CNTNAP3B: variants seen among roughly 807,000 people sequenced by gnomAD.
The protein encoded by CNTNAP3B is contactin associated protein family member 3B, also known as contactin-associated protein-like 3B.
A neutral mutation model predicts 108.9 loss-of-function variants in CNTNAP3B; 25 were observed. That is an observed-to-expected ratio of 0.23 (90% CI 0.17 to 0.32). The LOEUF (loss-of-function observed/expected upper bound fraction) is 0.32, where lower values mean the gene tolerates loss of function less well. Ranked by LOEUF, CNTNAP3B falls within the 10% of genes least tolerant of loss-of-function variation. CNTNAP3B has a pLI of 1.00. For missense variants in CNTNAP3B, 252 were observed against 1,210.4 expected (o/e 0.21, Z 11.75); for synonymous variants, 103 against 473.4 (o/e 0.22, Z 10.16).
Position 42,121,634 on chromosome 9 carries a change from A to G in CNTNAP3B, c.85+7376T>C, listed in dbSNP as rs566898895. On this transcript the variant is annotated intron_variant, in intron 1 of 23. Coordinates refer to ENST00000377561, the MANE Select transcript of CNTNAP3B (RefSeq NM_001201380.3). ...AATGAGGACAGTAGAATCAACTGTG[A>G]CATCCAAAAAAGGAAAGCTGCCCAA... Among the ~76,000 whole-genome samples, 15 of 140,368 alleles carry G rather than the reference A, an allele frequency of 1.1e-4. 1 individual carries two copies. Among genetic ancestry groups the G allele is most frequent in the African/African-American group, 1.7e-4 (6 of 35,646 alleles). 92.1% of individuals were successfully genotyped at this position (140,368 alleles called of 152,430 possible).
chr9:41,918,721 G>A (rs530936907), intron 18 of CNTNAP3B, among the ~76,000 whole-genome samples: 2 of 144,770 alleles, frequency 1.4e-5, no homozygotes, highest in African/African-American at 5.3e-5. Context: ...ATTGCACTTA[G>A]CAAATGTGGA....
intron 14 of CNTNAP3B, among the ~76,000 whole-genome samples, chr9:41,930,016 T>C (rs71512041): frequency 0.012 from 1,806 of 149,240 alleles, 14 homozygotes; most frequent in African/African-American, 0.044. Context: ...GTGATTATTC[T>C]TTACAAATAA....
intron 10 of CNTNAP3B, among the ~76,000 whole-genome samples, chr9:41,966,144 C>T (rs1430270718): frequency 2.6e-5 from 4 of 152,422 alleles, no homozygotes; most frequent in Admixed American, 2.6e-4. Context: ...CACCCTCATA[C>T]CATTTTTAAA....
At chr9:41,941,303 A>G (rs1203326902) in intron 13 of CNTNAP3B, among the ~76,000 whole-genome samples, 2 of 147,122 alleles carry the variant, frequency 1.4e-5, no homozygotes, top group South Asian at 2.2e-4. Flanking sequence ...CGAGAAATTT[A>G]TAAGAAACTC....
rs374979410 is a variant in CNTNAP3B, at chr9:42,032,870, G to GCT, written c.391-19347_391-19346dup. ...TCTCACTGTGTCCTCACATGGCAGTGCTCTCTCTCTCTCTCTCCCCCTCTC... is the reference window on the plus strand; with the variant it reads ...TCTCACTGTGTCCTCACATGGCAGTGCTCTCTCTCTCTCTCTCTCCCCCTCTC... On this transcript the variant is annotated intron_variant, in intron 3 of 23. Transcript: ENST00000377561. 6.7e-3 allele frequency among the ~76,000 whole-genome samples: 858 copies of GCT among 127,402 alleles called. 1 individual carries two copies. Among genetic ancestry groups the GCT allele is most frequent in the Non-Finnish European group, 9.2e-3 (552 of 59,820 alleles). 83.6% of individuals were successfully genotyped at this position (127,402 alleles called of 152,430 possible).
intron 3 of CNTNAP3B, among the ~76,000 whole-genome samples, chr9:42,061,559 AC>A (rs1217053157): frequency 8.2e-6 from 1 of 122,020 alleles, no homozygotes; most frequent in Non-Finnish European, 1.7e-5. Context: ...TGATCTGCCC[AC>A]CTTGGCCTCC....
intron 1 of CNTNAP3B, among the ~76,000 whole-genome samples, chr9:42,125,436 C>A (rs1378642891): frequency 7.0e-6 from 1 of 141,892 alleles, no homozygotes; most frequent in Non-Finnish European, 1.5e-5. Flanking sequence ...TGGGCCTCCC[C>A]ACTACCCAGC....
At chr9:42,076,231 A>G (rs1294663176) in intron 3 of CNTNAP3B, among the ~76,000 whole-genome samples, 1 of 74,658 alleles carries the variant, frequency 1.3e-5, no homozygotes, top group Non-Finnish European at 2.5e-5. Context: ...CCTGGCCAAA[A>G]TGGCGAAACC....
At chr9:41,969,943 T>G in intron 10 of CNTNAP3B, 131 bp downstream of exon 10, 2 of 1,356,398 alleles carry the variant, frequency 1.5e-6, no homozygotes, top group Non-Finnish European at 1.9e-6. Flanking sequence ...ATAGTAATTA[T>G]GACTATTTCA....
At position 41,925,215 on chromosome 9, in the gene CNTNAP3B, A is replaced by T. The variant is rs1394858299; in HGVS notation, c.2366-1122T>A. The stretch of plus-strand genomic sequence containing the variant: ...CAATATATTGATGGCTCCTGATTGA[A>T]TTTTTATTCTGATGGCTGCCAATAG... On this transcript the variant is annotated intron_variant, in intron 15 of 23. Coordinates refer to ENST00000377561, the MANE Select transcript of CNTNAP3B (RefSeq NM_001201380.3). 2.0e-5 allele frequency among the ~76,000 whole-genome samples: 3 copies of T among 148,098 alleles called. No individual in the cohort carries two copies. In the East Asian group the frequency reaches 5.8e-4, roughly 29 times the overall value.
rs1247432405 is a variant in CNTNAP3B at position 42,096,308 on chromosome 9, A to G, written c.196+8321T>C. On this transcript the variant is annotated intron_variant, in intron 2 of 23. Transcript: ENST00000377561. The stretch of plus-strand genomic sequence containing the variant: ...GCTTCAGGGCAGTCCCCACCTCTCT[A>G]TGCATACTATCGTGCAGTCCTGCTG... Among the ~76,000 whole-genome samples, 12 of 139,594 alleles carry G rather than the reference A, an allele frequency of 8.6e-5. 2 individuals carry two copies. Among genetic ancestry groups the G allele is most frequent in the African/African-American group, 2.3e-4 (8 of 35,202 alleles). 91.6% of individuals were successfully genotyped at this position (139,594 alleles called of 152,430 possible).
chr9:41,930,597 C>A (rs1340911855), intron 14 of CNTNAP3B, among the ~76,000 whole-genome samples: 3 of 152,172 alleles, frequency 2.0e-5, no homozygotes, highest in African/African-American at 7.2e-5. Context: ...CACCTTTTGT[C>A]GAACAGACAT....
chr9:41,917,218 CATT>C (rs1201200919), intron 18 of CNTNAP3B, among the ~76,000 whole-genome samples: 3 of 151,190 alleles, frequency 2.0e-5, no homozygotes, highest in Non-Finnish European at 4.4e-5. Context: ...TTATTTTTTT[CATT>C]ATTATTTCTC....
intron 15 of CNTNAP3B, among the ~76,000 whole-genome samples, chr9:41,924,661 AC>A (rs1823761769): frequency 6.8e-6 from 1 of 147,838 alleles, no homozygotes; most frequent in Admixed American, 6.7e-5. Flanking sequence ...ACACACACAC[AC>A]ACACACACAC....
chr9:42,090,813 A>G, intron 2 of CNTNAP3B, among the ~76,000 whole-genome samples: 1 of 72,632 alleles, frequency 1.4e-5, no homozygotes, highest in African/African-American at 5.0e-5. Flanking sequence ...CACTGACCGT[A>G]TATATGTATA....
intron 3 of CNTNAP3B, among the ~76,000 whole-genome samples, chr9:42,070,309 G>C (rs1358024368): frequency 1.3e-5 from 2 of 150,028 alleles, no homozygotes; most frequent in East Asian, 3.9e-4. Context: ...CACGAAGATG[G>C]AGAGATACAG....
chr9:42,082,766 C>T (rs1236281919), intron 2 of CNTNAP3B, among the ~76,000 whole-genome samples: 2 of 137,028 alleles, frequency 1.5e-5, no homozygotes, highest in African/African-American at 2.9e-5. Context: ...TGCATCTACA[C>T]TCCCTAGCAG....
chr9:42,121,350 C>T lies in CNTNAP3B; in HGVS notation c.85+7660G>A, dbSNP rs1180206699. 1.4e-4 allele frequency among the ~76,000 whole-genome samples: 19 copies of T among 139,428 alleles called. 2 individuals are homozygous for T. The highest frequency in any genetic ancestry group is 4.7e-4 in the South Asian group (2 of 4,296). The allele number at this position is 139,428 out of a possible 152,430, so 91.5% of individuals were successfully genotyped here. Reference sequence around the variant, plus strand: ...TTCTAAAAGAGGCTACCTGCACAAACGCCCATCACAGGCTCAGCTTTCTAA... The same window carrying T: ...TTCTAAAAGAGGCTACCTGCACAAATGCCCATCACAGGCTCAGCTTTCTAA... On this transcript the variant is annotated intron_variant, in intron 1 of 23. Transcript: ENST00000377561.
At chr9:41,934,100 CATAT>C (rs1186532915) in intron 14 of CNTNAP3B, among the ~76,000 whole-genome samples, 22 of 90,214 alleles carry the variant, frequency 2.4e-4, no homozygotes, top group South Asian at 7.6e-4. Context: ...ATATTTGTTA[CATAT>C]ATATATATAT....
Sources: allele counts gnomAD v4.1 joint callset (sites outside exome capture counted in the v4.1 genomes callset), GRCh38; gene constraint gnomAD v4.1.1; transcripts MANE v1.5; gene names NCBI Gene and HGNC (gene_info 2026-07-23, HGNC 2026-07-21).